The following EPC2 variants were observed in gnomAD, a reference collection of about 807,000 sequenced individuals.
EPC2 encodes the protein enhancer of polycomb homolog 2.
In EPC2, 14 loss-of-function variants were observed where a neutral mutation model predicts 92.1. The observed-to-expected ratio is 0.15, with a 90% CI of 0.10 to 0.24. The LOEUF is 0.24. Among genes scored for constraint, EPC2 ranks in the 10% least tolerant of loss-of-function variants. EPC2 has a pLI of 1.00. For missense variants in EPC2, 755 were observed against 971.5 expected (o/e 0.78, Z 2.96); for synonymous variants, 340 against 334.7 (o/e 1.02, Z -0.17).
intron 2 of EPC2, among the ~76,000 whole-genome samples, chr2:148,742,334 C>T (rs1270574726): frequency 6.6e-6 from 1 of 152,194 alleles, no homozygotes; most frequent in Non-Finnish European, 1.5e-5. Context: ...TCTTCTGCTG[C>T]TCTTTCTAGA....
chr2:148,701,536 C>T (rs568399161), intron 2 of EPC2, among the ~76,000 whole-genome samples: 7 of 152,122 alleles, frequency 4.6e-5, no homozygotes, highest in South Asian at 4.1e-4. Context: ...CTTCTTTAGT[C>T]GATGAAGTGG....
intron 3 of EPC2, among the ~76,000 whole-genome samples, chr2:148,751,374 T>C (rs1683080680): frequency 6.6e-6 from 1 of 152,092 alleles, no homozygotes; most frequent in Non-Finnish European, 1.5e-5. Flanking sequence ...TTTTTTTTTA[T>C]CTCCCCATCC....
intron 1 of EPC2, among the ~76,000 whole-genome samples, chr2:148,674,721 T>C (rs748743950): frequency 2.1e-4 from 32 of 152,230 alleles, no homozygotes; most frequent in Non-Finnish European, 4.1e-4. Flanking sequence ...GTGTGCTGGC[T>C]TGGGGGAAGG....
At chr2:148,765,271 A>G in intron 7 of EPC2, 125 bp downstream of exon 7, 1 of 558,776 alleles carries the variant, frequency 1.8e-6, no homozygotes, top group Non-Finnish European at 2.9e-6. Flanking sequence ...TAGCATAAAC[A>G]TTTCCACAGT....
chr2:148,732,732 G>A (rs1682662032), intron 2 of EPC2, among the ~76,000 whole-genome samples: 1 of 151,892 alleles, frequency 6.6e-6, no homozygotes, highest in Non-Finnish European at 1.5e-5. Flanking sequence ...CACTCTGAGT[G>A]GCTTATGTGG....
intron 3 of EPC2, among the ~76,000 whole-genome samples, chr2:148,746,313 T>C (rs1682983711): frequency 6.6e-6 from 1 of 152,078 alleles, no homozygotes; most frequent in Non-Finnish European, 1.5e-5. Flanking sequence ...CTCAAGTTTA[T>C]CCTTTTGGGA....
intron 1 of EPC2, among the ~76,000 whole-genome samples, chr2:148,678,406 C>G (rs1253297275): frequency 6.6e-6 from 1 of 152,262 alleles, no homozygotes; most frequent in African/African-American, 2.4e-5. Context: ...ACCCGCATTC[C>G]TCAGCCCTTG....
At chr2:148,668,090 T>C (rs1298843282) in intron 1 of EPC2, among the ~76,000 whole-genome samples, 1 of 151,990 alleles carries the variant, frequency 6.6e-6, no homozygotes, top group Non-Finnish European at 1.5e-5. Context: ...GTAGAGACAG[T>C]CTTTCACTAT....
intron 3 of EPC2, among the ~76,000 whole-genome samples, chr2:148,747,488 CTT>C (rs1407085784): frequency 6.6e-6 from 1 of 152,038 alleles, no homozygotes; most frequent in Admixed American, 6.6e-5. Flanking sequence ...TGACCCCATC[CTT>C]CTCAGCAAAC....
chr2:148,704,432 CAGAT>C (rs1353584831), intron 2 of EPC2, among the ~76,000 whole-genome samples: 4 of 152,166 alleles, frequency 2.6e-5, no homozygotes, highest in East Asian at 3.9e-4. Context: ...ATTAGGGAGA[CAGAT>C]AGTGGTGATT....
Position 148,739,589 on chromosome 2 carries a change from T to C in EPC2, c.314-4033T>C, listed in dbSNP as rs75238617. 2.1e-3 allele frequency among the ~76,000 whole-genome samples: 313 copies of C among 152,320 alleles called. 1 individual carries two copies. The highest frequency in any genetic ancestry group is 7.2e-3 in the African/African-American group (300 of 41,578). On this transcript the variant is annotated intron_variant, in intron 2 of 13. Coordinates refer to ENST00000258484, the MANE Select transcript of EPC2 (RefSeq NM_015630.4). ...TATTTTGTAAGCTATAACCAGTCAATGTGTGAATGCTTTATATATTCAAAC... is the reference window on the plus strand; with the variant it reads ...TATTTTGTAAGCTATAACCAGTCAACGTGTGAATGCTTTATATATTCAAAC...
chr2:148,704,908 CTTTTT>C (rs60418586), intron 2 of EPC2, among the ~76,000 whole-genome samples: 1 of 144,388 alleles, frequency 6.9e-6, no homozygotes, highest in African/African-American at 2.5e-5. Context: ...TTTTCTTTTT[CTTTTT>C]TTTTTTTCTA....
intron 1 of EPC2, among the ~76,000 whole-genome samples, chr2:148,679,963 A>C (rs780436843): frequency 8.5e-5 from 13 of 152,192 alleles, no homozygotes; most frequent in Non-Finnish European, 1.6e-4. Flanking sequence ...TTTACTACTA[A>C]TAGATTCTAA....
Position 148,771,060 on chromosome 2 carries a change from A to G in EPC2, c.1393A>G (p.Ile465Val), listed in dbSNP as rs751048807. 1.2e-6 allele frequency: 2 copies of G among 1,606,292 alleles called. No individual in the cohort carries two copies. Among genetic ancestry groups the G allele is most frequent in the Admixed American group, 1.7e-5 (1 of 58,816 alleles). Residue 465 changes from isoleucine to valine, a missense_variant, in exon 10 of 14, where the codon ATA (isoleucine) becomes GTA (valine). Ile to Val is a conservative substitution (Grantham distance 29). Transcript: ENST00000258484. Reference protein sequence around the residue: ...GRGGRVIMDRISTEHDPVLKQ... With the variant: ...GRGGRVIMDRVSTEHDPVLKQ... The stretch of plus-strand genomic sequence containing the variant: ...GCTTTTCAGGGTCATAATGGACCGA[A>G]TATCCACAGAACATGACCCAGTCCT...
At chr2:148,714,990 T>C (rs943970841) in intron 2 of EPC2, among the ~76,000 whole-genome samples, 2 of 151,746 alleles carry the variant, frequency 1.3e-5, no homozygotes, top group African/African-American at 2.4e-5. Flanking sequence ...CCCATGCCTA[T>C]ATCCTGAATG....
At chr2:148,777,201 C>T (rs538822843) in intron 10 of EPC2, among the ~76,000 whole-genome samples, 7 of 151,890 alleles carry the variant, frequency 4.6e-5, no homozygotes, top group African/African-American at 1.7e-4. Context: ...AAAGAAAAGA[C>T]ACTCTTGTAA....
At chr2:148,775,544 A>G (rs563298290) in intron 10 of EPC2, among the ~76,000 whole-genome samples, 1 of 149,842 alleles carries the variant, frequency 6.7e-6, no homozygotes, top group African/African-American at 2.4e-5. Context: ...CTTACCTGTC[A>G]TAATATACAG....
chr2:148,719,985 G>A (rs1303145455), intron 2 of EPC2, among the ~76,000 whole-genome samples: 3 of 152,008 alleles, frequency 2.0e-5, no homozygotes, highest in East Asian at 3.9e-4. Flanking sequence ...AGTGGATTGG[G>A]GGTCCTGATT....
chr2:148,690,634 A>T (rs1444628024), intron 2 of EPC2, among the ~76,000 whole-genome samples: 3 of 152,148 alleles, frequency 2.0e-5, no homozygotes, highest in Admixed American at 2.0e-4. Flanking sequence ...CATAGCTAAA[A>T]GGTGGTGGAT....
Sources: allele counts gnomAD v4.1 joint callset (sites outside exome capture counted in the v4.1 genomes callset), GRCh38; gene constraint gnomAD v4.1.1; transcripts MANE v1.5; gene names NCBI Gene and HGNC (gene_info 2026-07-23, HGNC 2026-07-21).